The following THSD7A variants were observed in gnomAD, a reference collection of about 807,000 sequenced individuals.
THSD7A encodes the protein thrombospondin type 1 domain containing 7A.
Under a neutral mutation model 231.3 loss-of-function variants are expected in THSD7A, and 96 were observed. The ratio of observed to expected loss-of-function variants is 0.41; its 90% CI spans 0.35 to 0.49. The LOEUF is 0.49. Among genes scored for constraint, THSD7A ranks in the 20% least tolerant of loss-of-function variants. The pLI is 0.05. For synonymous variants in THSD7A, 940 were observed against 743.3 expected, an observed-to-expected ratio of 1.26 and a Z score of -4.30; for missense variants, 2,290 against 2,070.2, an observed-to-expected ratio of 1.11 and a Z score of -2.06.
intron 4 of THSD7A, among the ~76,000 whole-genome samples, chr7:11,546,572 A>T (rs529794663): frequency 6.6e-6 from 1 of 152,352 alleles, no homozygotes; most frequent in East Asian, 1.9e-4. Flanking sequence ...CACATTCAAC[A>T]GACAGCAGTT....
At chr7:11,715,066 G>C (rs1403430089) in intron 1 of THSD7A, among the ~76,000 whole-genome samples, 1 of 151,414 alleles carries the variant, frequency 6.6e-6, no homozygotes, top group African/African-American at 2.4e-5. Flanking sequence ...TTCCAGGTCA[G>C]TAAAAGTTGG....
At chr7:11,441,897 G>A (rs1220410745) in intron 13 of THSD7A, among the ~76,000 whole-genome samples, 1 of 151,778 alleles carries the variant, frequency 6.6e-6, no homozygotes, top group Non-Finnish European at 1.5e-5. Flanking sequence ...TAGGTTGATG[G>A]GTGCAGCAAA....
chr7:11,648,323 T>A (rs1030426965), intron 1 of THSD7A, among the ~76,000 whole-genome samples: 2 of 152,018 alleles, frequency 1.3e-5, no homozygotes, highest in African/African-American at 4.8e-5. Context: ...GAAGTTTTTA[T>A]TTTTTTAGCT....
Position 11,637,625 on chromosome 7 carries a change from G to A in THSD7A, c.191-664C>T, listed in dbSNP as rs1781919558. ...CCAAGTGAAGTATAGAGCTGGGTAA[G>A]GGAATTTAAATGTAACTAAAAGACT... On this transcript the variant is annotated intron_variant, in intron 1 of 27. Transcript: ENST00000423059. The surrounding 1 kb of genome is among the most constrained non-coding windows in gnomAD (Gnocchi z 4.2). Among the ~76,000 whole-genome samples the A allele has an allele frequency of 6.6e-6, 1 of 152,160 alleles. No homozygotes were observed. The highest frequency in any genetic ancestry group is 2.4e-5 in the African/African-American group (1 of 41,436).
intron 13 of THSD7A, among the ~76,000 whole-genome samples, chr7:11,433,717 A>T (rs147388778): frequency 6.6e-6 from 1 of 152,056 alleles, no homozygotes; most frequent in African/African-American, 2.4e-5. Flanking sequence ...TGGTGGCCTT[A>T]CATGTCACTA....
At chr7:11,591,559 G>T (rs754467508) in intron 3 of THSD7A, among the ~76,000 whole-genome samples, 1 of 152,062 alleles carries the variant, frequency 6.6e-6, no homozygotes, top group African/African-American at 2.4e-5. Flanking sequence ...AAGGTTAAAC[G>T]GCCCTCAGAT....
chr7:11,480,436 A>T (rs976116314), intron 7 of THSD7A, among the ~76,000 whole-genome samples: 2 of 152,208 alleles, frequency 1.3e-5, no homozygotes, highest in African/African-American at 4.8e-5. Flanking sequence ...TCTAATTTTA[A>T]TGAAGCCCAA....
chr7:11,761,809 G>T (rs1389687817), intron 1 of THSD7A, among the ~76,000 whole-genome samples: 1 of 151,932 alleles, frequency 6.6e-6, no homozygotes, highest in African/African-American at 2.4e-5. Flanking sequence ...ACATGAGTAT[G>T]TTGGGTGATG....
intron 1 of THSD7A, among the ~76,000 whole-genome samples, chr7:11,782,869 C>G (rs1459107010): frequency 3.3e-5 from 5 of 152,046 alleles, no homozygotes; most frequent in African/African-American, 1.2e-4. Flanking sequence ...TATACATTTT[C>G]TATTTTACTT....
At chr7:11,509,911 G>A (rs1192069586) in intron 6 of THSD7A, among the ~76,000 whole-genome samples, 4 of 150,448 alleles carry the variant, frequency 2.7e-5, no homozygotes, top group African/African-American at 7.3e-5. Context: ...CAGCATTACT[G>A]TTCTCACCAC....
chr7:11,653,892 G>T (rs1782608635), intron 1 of THSD7A, among the ~76,000 whole-genome samples: 1 of 151,808 alleles, frequency 6.6e-6, no homozygotes, highest in Non-Finnish European at 1.5e-5. Context: ...CAATGAAATT[G>T]ATTTTCTTTT....
intron 1 of THSD7A, among the ~76,000 whole-genome samples, chr7:11,749,788 A>G (rs1011856881): frequency 6.6e-6 from 1 of 151,988 alleles, no homozygotes; most frequent in East Asian, 1.9e-4. Context: ...ATGAGTAATG[A>G]ATGCCTGTGG....
intron 1 of THSD7A, among the ~76,000 whole-genome samples, chr7:11,711,787 G>A (rs1344210432): frequency 6.6e-6 from 1 of 151,168 alleles, no homozygotes; most frequent in Non-Finnish European, 1.5e-5. Context: ...GAGAAGTATG[G>A]CCAAAGGCCA....
chr7:11,806,625 T>C (rs1167664943), intron 1 of THSD7A, among the ~76,000 whole-genome samples: 1 of 152,192 alleles, frequency 6.6e-6, no homozygotes, highest in Non-Finnish European at 1.5e-5. Flanking sequence ...AAATATCCTT[T>C]ATTAAAATAG....
intron 4 of THSD7A, among the ~76,000 whole-genome samples, chr7:11,579,158 C>T (rs938635994): frequency 6.6e-6 from 1 of 152,092 alleles, no homozygotes; most frequent in African/African-American, 2.4e-5. Flanking sequence ...TTTCTTTTCC[C>T]ATTGCTATTC....
intron 1 of THSD7A, among the ~76,000 whole-genome samples, chr7:11,733,890 C>G (rs12537741): frequency 0.29 from 43,258 of 151,416 alleles, 7,423 homozygotes; most frequent in Admixed American, 0.4. Flanking sequence ...GGATTGCAAC[C>G]TTCTCTCCCT....
At chr7:11,614,288 G>A (rs1781033109) in intron 2 of THSD7A, among the ~76,000 whole-genome samples, 1 of 152,156 alleles carries the variant, frequency 6.6e-6, no homozygotes, top group Non-Finnish European at 1.5e-5. Flanking sequence ...GCTTCCACTA[G>A]GAGACAATAC....
intron 13 of THSD7A, among the ~76,000 whole-genome samples, chr7:11,433,845 CA>C (rs1227055480): frequency 6.6e-6 from 1 of 151,936 alleles, no homozygotes; most frequent in Admixed American, 6.6e-5. Context: ...GAAGGAGATA[CA>C]AAACTTTTAT....
At chr7:11,596,864 T>G (rs956046254) in intron 2 of THSD7A, among the ~76,000 whole-genome samples, 4 of 152,254 alleles carry the variant, frequency 2.6e-5, no homozygotes, top group African/African-American at 9.6e-5. Context: ...GCCATTGACA[T>G]GGCAAGTGCC....
Sources: gnomAD v4.1 joint callset for allele counts (sites outside exome capture counted in the v4.1 genomes callset) on GRCh38, gnomAD v4.1.1 for gene constraint, Gnocchi (gnomAD v3.1) non-coding constraint, MANE v1.5 for transcripts, NCBI Gene and HGNC (gene_info 2026-07-23, HGNC 2026-07-21) for gene names.